Variants in SPEN observed in about 807,000 individuals in gnomAD.
SPEN encodes spen family transcriptional repressor.
In SPEN, 18 loss-of-function variants were observed where a neutral mutation model predicts 269.9. The ratio of observed to expected loss-of-function variants is 0.07; its 90% CI spans 0.05 to 0.10. The LOEUF is 0.10. SPEN is among the 10% of genes least tolerant of loss of function. SPEN has a pLI of 1.00. For missense variants in SPEN, 3,822 were observed against 4,631.2 expected (o/e 0.83, Z 5.07); for synonymous variants, 1,726 against 1,765.7 (o/e 0.98, Z 0.56).
chr1:15,930,424 C>T lies in SPEN; in HGVS notation c.4184C>T (p.Ala1395Val), dbSNP rs749211291. 2 of 1,614,122 alleles carry T rather than the reference C, an allele frequency of 1.2e-6. No individual in the cohort carries two copies. Among genetic ancestry groups the T allele is most frequent in the East Asian group, 2.2e-5 (1 of 44,886 alleles). Residue 1395 changes from alanine (A) to valine (V), a missense_variant, in exon 11 of 15, where the codon GCC becomes GTC. This residue lies in a region of SPEN where 267 missense variants were observed against 315.5 expected (regional missense o/e 0.85). Transcript: ENST00000375759. The surrounding 1 kb of genome is among the most constrained non-coding windows in gnomAD (Gnocchi z 5.3). ...DGEHKSHSPR[A>V]SALYESSRLS... Reference sequence around the variant, plus strand: ...GAACACAAATCCCACTCACCCAGAGCCTCTGCATTATATGAAAGTTCTCGA... The same window carrying T: ...GAACACAAATCCCACTCACCCAGAGTCTCTGCATTATATGAAAGTTCTCGA...
intron 1 of SPEN, among the ~76,000 whole-genome samples, chr1:15,860,775 G>C (rs1234231686): frequency 6.6e-6 from 1 of 151,240 alleles, no homozygotes; most frequent in African/African-American, 2.4e-5. Flanking sequence ...CTAATTTTTT[G>C]TATTTTAGTA....
intron 3 of SPEN, among the ~76,000 whole-genome samples, chr1:15,900,198 A>G (rs999889550): frequency 6.6e-6 from 1 of 152,152 alleles, no homozygotes; most frequent in Non-Finnish European, 1.5e-5. Flanking sequence ...ATAAAGCAAA[A>G]TACCCTATTA....
intron 3 of SPEN, among the ~76,000 whole-genome samples, chr1:15,893,072 TG>T (rs1439612375): frequency 1.3e-5 from 2 of 152,200 alleles, no homozygotes; most frequent in African/African-American, 4.8e-5. Flanking sequence ...CACTCCAGCC[TG>T]GGCAACAAGA....
rs547140333 is a variant in SPEN, at chr1:15,935,245, C to T, written c.9005C>T (p.Pro3002Leu). The change falls in exon 11 of 15, where the codon CCC (proline) becomes CTC (leucine). Residue 3002 changes from proline to leucine, a missense_variant. Around this residue, in one of 16 missense-constraint regions of SPEN, gnomAD observed 94 missense variants for 90.4 expected, o/e 1.04. Transcript: ENST00000375759. This position sits in a 1 kb window ranked among gnomAD's most constrained non-coding sequence, Gnocchi z 7.7. ...SKLPTEVNHV[P>L]SGPSIPADRT... ...CTGCCTACAGAAGTCAACCATGTCCCCTCGGGGCCCAGCATCCCAGCAGAT... is the reference window on the plus strand; with the variant it reads ...CTGCCTACAGAAGTCAACCATGTCCTCTCGGGGCCCAGCATCCCAGCAGAT... The T allele has an allele frequency of 2.5e-6, 4 of 1,614,178 alleles. No homozygotes were observed. The South Asian group carries it at 4.4e-5, about 18-fold the overall frequency.
intron 1 of SPEN, among the ~76,000 whole-genome samples, chr1:15,855,642 T>A (rs1232049770): frequency 6.6e-6 from 1 of 151,996 alleles, no homozygotes; most frequent in Non-Finnish European, 1.5e-5. Context: ...GGCGGGCGGA[T>A]CATGAGGTCA....
At chr1:15,857,836 A>T (rs1420750661) in intron 1 of SPEN, among the ~76,000 whole-genome samples, 1 of 150,700 alleles carries the variant, frequency 6.6e-6, no homozygotes, top group East Asian at 2.0e-4. Flanking sequence ...AATTAAAAAA[A>T]TTTGTTTTAG....
chr1:15,848,119 C>A lies in SPEN; in HGVS notation c.52C>A (p.Arg18=). The change falls in exon 1 of 15, where the codon CGG becomes AGG. Residue 18 remains arginine (R), a synonymous_variant. Transcript: ENST00000375759. This position sits in a 1 kb window ranked among gnomAD's most constrained non-coding sequence, Gnocchi z 5.1. ...LWVGNLPENV[R]EEKIIEHFKR... is the part of the protein sequence containing the mutation. Reference sequence around the variant, plus strand: ...GGTGGGCAACTTACCCGAGAACGTGCGGGAAGAGAAGATCATCGAGCATTT... The same window carrying A: ...GGTGGGCAACTTACCCGAGAACGTGAGGGAAGAGAAGATCATCGAGCATTT... The A allele has an allele frequency of 6.7e-7, 1 of 1,500,236 alleles. No individual in the cohort carries two copies. Among genetic ancestry groups the A allele is most frequent in the Non-Finnish European group, 9.0e-7 (1 of 1,117,018 alleles). The allele number at this position is 1,500,236 out of a possible 1,614,324, so 92.9% of individuals were successfully genotyped here.
intron 3 of SPEN, among the ~76,000 whole-genome samples, chr1:15,878,321 A>G (rs1194073247): frequency 1.3e-5 from 2 of 152,212 alleles, no homozygotes; most frequent in African/African-American, 4.8e-5. Flanking sequence ...GTCTGTTTTT[A>G]GGCTTCCTGA....
At chr1:15,864,967 G>T (rs2070488849) in intron 1 of SPEN, among the ~76,000 whole-genome samples, 1 of 152,010 alleles carries the variant, frequency 6.6e-6, no homozygotes, top group Non-Finnish European at 1.5e-5. Context: ...TCCCAAAGTG[G>T]TGGGATTATA....
chr1:15,915,499 G>C (rs545984827), intron 5 of SPEN, among the ~76,000 whole-genome samples: 13 of 152,230 alleles, frequency 8.5e-5, no homozygotes, highest in African/African-American at 3.1e-4. Context: ...AAAAACAACA[G>C]ATCACCTTAG....
At chr1:15,921,671 C>A (rs1193729051) in intron 9 of SPEN, among the ~76,000 whole-genome samples, 1 of 152,186 alleles carries the variant, frequency 6.6e-6, no homozygotes, top group Non-Finnish European at 1.5e-5. Flanking sequence ...TCCTACTCTC[C>A]TGAAGAGTGG....
chr1:15,900,366 G>A (rs1307105875), intron 3 of SPEN, among the ~76,000 whole-genome samples: 1 of 152,086 alleles, frequency 6.6e-6, no homozygotes, highest in Non-Finnish European at 1.5e-5. Flanking sequence ...GAATGGAATC[G>A]TTTTCATTGA....
intron 3 of SPEN, among the ~76,000 whole-genome samples, chr1:15,906,106 G>C (rs1271599117): frequency 6.6e-6 from 1 of 152,064 alleles, no homozygotes; most frequent in Non-Finnish European, 1.5e-5. Context: ...ATATTACTTG[G>C]AGTATTTAAC....
Position 15,935,978 on chromosome 1 carries a change from C to G in SPEN, c.9738C>G (p.Thr3246=). The G allele has an allele frequency of 6.4e-7, 1 of 1,572,242 alleles. No individual in the cohort carries two copies. The highest frequency in any genetic ancestry group is 2.3e-5 in the East Asian group (1 of 43,392). Residue 3246 remains threonine (T), a synonymous_variant, in exon 11 of 15, where the codon ACC becomes ACG. Coordinates refer to ENST00000375759, the MANE Select transcript of SPEN (RefSeq NM_015001.3). The surrounding 1 kb of genome is among the most constrained non-coding windows in gnomAD (Gnocchi z 7.7). ...TPDAKAAPTP[T]PAPVPVPVPL... is the part of the protein sequence containing the mutation. ...ATGCCAAAGCTGCCCCCACCCCCAC[C>G]CCTGCCCCCGTCCCTGTCCCTGTCC... is the stretch of plus-strand genomic sequence containing the variant.
intron 6 of SPEN, among the ~76,000 whole-genome samples, chr1:15,918,355 A>G (rs943065716): frequency 6.6e-6 from 1 of 152,190 alleles, no homozygotes; most frequent in Admixed American, 6.5e-5. Flanking sequence ...AATAACTAGG[A>G]TTACAGGCAT....
intron 3 of SPEN, among the ~76,000 whole-genome samples, chr1:15,891,905 T>TA (rs2070792638): frequency 1.2e-4 from 17 of 146,570 alleles, no homozygotes; most frequent in African/African-American, 3.5e-4. Context: ...CCTGGTTTTT[T>TA]TAAAAAAAAA....
At chr1:15,881,328 T>C (rs1044321990) in intron 3 of SPEN, among the ~76,000 whole-genome samples, 1 of 152,178 alleles carries the variant, frequency 6.6e-6, no homozygotes, top group African/African-American at 2.4e-5. Context: ...GGAGATAGCT[T>C]GTTGAGATCT....
rs757907995 is a variant in SPEN at position 15,939,252 on chromosome 1, G to A, written c.10864-44G>A. The A allele has an allele frequency of 7.3e-6, 11 of 1,514,670 alleles. No homozygotes were observed. The East Asian group carries it at 2.2e-4, about 30-fold the overall frequency. 93.8% of individuals were successfully genotyped at this position (1,514,670 alleles called of 1,614,324 possible). A position where few individuals can be genotyped will look rare whatever the true frequency, so the allele number is the denominator to read the frequency against. On this transcript the variant is annotated intron_variant, in intron 14 of 14. Transcript: ENST00000375759. This position sits in a 1 kb window ranked among gnomAD's most constrained non-coding sequence, Gnocchi z 4.1. ...TCCCCAATGGAAGTGGAGTTGTGGG[G>A]GTGAAGACAGACGGTCCCACTTTGC...
chr1:15,934,489 C>T lies in SPEN; in HGVS notation c.8249C>T (p.Ser2750Phe), dbSNP rs762266580. 1 of 1,614,080 alleles carries T rather than the reference C, an allele frequency of 6.2e-7. No individual in the cohort carries two copies. Among genetic ancestry groups the T allele is most frequent in the Non-Finnish European group, 8.5e-7 (1 of 1,180,040 alleles). ...ACAGCGGGTGCGGTTACTGCTGCAT[C>T]TGGTGGTGTAACGGCCACAACAGGC... The part of the protein sequence containing the change: ...TVTAGAVTAA[S>F]GGVTATTGTV... Residue 2750 changes from serine (S) to phenylalanine (F), a missense_variant, in exon 11 of 15, where the codon TCT (serine) becomes TTT (phenylalanine). Physicochemically the swap from Ser to Phe is radical, Grantham distance 155 (BLOSUM62 -2). Transcript: ENST00000375759. This position sits in a 1 kb window ranked among gnomAD's most constrained non-coding sequence, Gnocchi z 9.2.
Sources: allele counts gnomAD v4.1 joint callset (sites outside exome capture counted in the v4.1 genomes callset), GRCh38; gene constraint gnomAD v4.1.1; regional missense constraint gnomAD v4.1.1; non-coding constraint Gnocchi (gnomAD v3.1); transcripts MANE v1.5; gene names NCBI Gene and HGNC (gene_info 2026-07-23, HGNC 2026-07-21).